Variants in ARB2A observed in about 807,000 individuals in gnomAD.
ARB2A encodes the protein cotranscriptional regulator ARB2A.
the ARB2A span, among the ~76,000 whole-genome samples, chr5:93,652,520 AT>A: frequency 6.6e-6 from 1 of 152,188 alleles, no homozygotes; most frequent in Non-Finnish European, 1.5e-5. Context: ...GGTTGACTAC[AT>A]TTAGCAAAAT....
At chr5:93,691,585 C>G in the ARB2A span, among the ~76,000 whole-genome samples, 2 of 151,960 alleles carry the variant, frequency 1.3e-5, no homozygotes, top group Non-Finnish European at 2.9e-5. Context: ...GAGAATGGAA[C>G]CGAGTTGGAA....
chr5:93,738,352 G>A, the ARB2A span: 1 of 152,514 alleles, frequency 6.6e-6, no homozygotes, highest in African/African-American at 2.4e-5. Flanking sequence ...TGGTGGGAAT[G>A]TAAAATGGTG....
At chr5:93,686,931 A>G in the ARB2A span, among the ~76,000 whole-genome samples, 1 of 152,198 alleles carries the variant, frequency 6.6e-6, no homozygotes, top group Non-Finnish European at 1.5e-5. Flanking sequence ...TGGCATGACA[A>G]TAAGAGTGGA....
the ARB2A span, among the ~76,000 whole-genome samples, chr5:93,866,602 A>G: frequency 2.0e-5 from 3 of 152,202 alleles, no homozygotes; most frequent in Admixed American, 6.5e-5. Flanking sequence ...AAAGTAGGCC[A>G]TCTGTATATG....
At chr5:93,665,912 CT>C in the ARB2A span, among the ~76,000 whole-genome samples, 1 of 152,164 alleles carries the variant, frequency 6.6e-6, no homozygotes, top group Non-Finnish European at 1.5e-5. Flanking sequence ...CAGAGACGTT[CT>C]TTTCTCTGTT....
chr5:93,897,262 TAA>T, the ARB2A span, among the ~76,000 whole-genome samples: 5 of 152,022 alleles, frequency 3.3e-5, no homozygotes, highest in Non-Finnish European at 7.4e-5. Context: ...AGCTACAACA[TAA>T]AGACTTATTT....
At chr5:93,761,243 C>T in the ARB2A span, among the ~76,000 whole-genome samples, 1 of 152,100 alleles carries the variant, frequency 6.6e-6, no homozygotes, top group Non-Finnish European at 1.5e-5. Flanking sequence ...GAGCGTGAGC[C>T]AAAGCAGGGT....
chr5:93,665,052 C>T, the ARB2A span, among the ~76,000 whole-genome samples: 1 of 152,098 alleles, frequency 6.6e-6, no homozygotes, highest in Non-Finnish European at 1.5e-5. Context: ...ATATTGAATT[C>T]CTGGGCTCAA....
chr5:93,653,483 G>A, the ARB2A span, among the ~76,000 whole-genome samples: 1 of 108,148 alleles, frequency 9.2e-6, no homozygotes, highest in Non-Finnish European at 1.7e-5. Flanking sequence ...CTGCAGTCCA[G>A]TCTGGGCGAA....
chr5:93,661,889 T>G, the ARB2A span, among the ~76,000 whole-genome samples: 4 of 152,072 alleles, frequency 2.6e-5, no homozygotes, highest in Admixed American at 1.3e-4. Flanking sequence ...CTGAAGGCCA[T>G]GCATTTCCTA....
the ARB2A span, among the ~76,000 whole-genome samples, chr5:94,031,564 T>C: frequency 5.9e-5 from 9 of 152,162 alleles, no homozygotes; most frequent in Non-Finnish European, 1.2e-4. Flanking sequence ...ATTGGAAAAT[T>C]CCCAGCAAGG....
the ARB2A span, chr5:93,964,609 T>C: frequency 2.4e-6 from 2 of 827,388 alleles, no homozygotes; most frequent in South Asian, 1.7e-5. Flanking sequence ...TTGCAAGTTA[T>C]TGCTCTGAGT....
the ARB2A span, among the ~76,000 whole-genome samples, chr5:94,045,463 T>TA: frequency 6.6e-6 from 1 of 152,302 alleles, no homozygotes; most frequent in East Asian, 1.9e-4. Context: ...AGTCTATTTT[T>TA]ATCAAATACT....
chr5:93,911,292 G>C, the ARB2A span, among the ~76,000 whole-genome samples: 1 of 151,530 alleles, frequency 6.6e-6, no homozygotes, highest in Non-Finnish European at 1.5e-5. Flanking sequence ...ATTTCAATTA[G>C]ACCCTTGCGA....
At chr5:93,763,033 G>A in the ARB2A span, among the ~76,000 whole-genome samples, 429 of 152,018 alleles carry the variant, frequency 2.8e-3, 4 homozygotes, top group Non-Finnish European at 6.0e-4. Context: ...CCCTAAAAGA[G>A]CTCCTGAAGG....
chr5:93,917,765 G>C, the ARB2A span, among the ~76,000 whole-genome samples: 1 of 152,098 alleles, frequency 6.6e-6, no homozygotes, highest in Non-Finnish European at 1.5e-5. Context: ...TGTAGTCCCA[G>C]CTACTGGGGG....
chr5:93,984,510 C>T, the ARB2A span, among the ~76,000 whole-genome samples: 1 of 152,142 alleles, frequency 6.6e-6, no homozygotes. Flanking sequence ...GAAGTAAATG[C>T]CATACTTTGT....
At chr5:94,087,981 C>T in the ARB2A span, among the ~76,000 whole-genome samples, 1 of 152,110 alleles carries the variant, frequency 6.6e-6, no homozygotes, top group East Asian at 1.9e-4. Context: ...AGAAAATATC[C>T]CCAACATTAA....
At chr5:93,635,452 T>C in the ARB2A span, among the ~76,000 whole-genome samples, 1 of 151,454 alleles carries the variant, frequency 6.6e-6, no homozygotes. Flanking sequence ...ATACAGTTTA[T>C]ACGAAAGTTT....
Sources: gnomAD v4.1 joint callset for allele counts (sites outside exome capture counted in the v4.1 genomes callset) on GRCh38, gnomAD v4.1.1 for gene constraint, MANE v1.5 for transcripts, NCBI Gene and HGNC (gene_info 2026-07-23, HGNC 2026-07-21) for gene names.